LANCL2: variants seen among roughly 807,000 people sequenced by gnomAD.
The protein encoded by LANCL2 is lanC-like protein 2.
In LANCL2, 33 loss-of-function variants were observed where a neutral mutation model predicts 56.9. The observed-to-expected ratio is 0.58, with a 90% CI of 0.44 to 0.78. The LOEUF (loss-of-function observed/expected upper bound fraction) is 0.78, where lower values mean the gene tolerates loss of function less well. LANCL2 is among the 30% of genes least tolerant of loss of function. LANCL2 has a pLI of 0.00. For missense variants in LANCL2, 562 were observed against 580.2 expected (o/e 0.97, Z 0.32); for synonymous variants, 233 against 228.2 (o/e 1.02, Z -0.19).
At chr7:55,383,314 G>A (rs1790089074) in intron 1 of LANCL2, among the ~76,000 whole-genome samples, 1 of 152,202 alleles carries the variant, frequency 6.6e-6, no homozygotes, top group South Asian at 2.1e-4. Flanking sequence ...AACCCCATGT[G>A]TGGTGGATGA....
At chr7:55,393,676 A>G (rs906546003) in intron 2 of LANCL2, among the ~76,000 whole-genome samples, 28 of 152,202 alleles carry the variant, frequency 1.8e-4, no homozygotes, top group African/African-American at 6.5e-4. Context: ...TGAATATTGT[A>G]TTTATATTTA....
intron 1 of LANCL2, among the ~76,000 whole-genome samples, chr7:55,375,612 A>G (rs953904666): frequency 2.6e-5 from 4 of 152,180 alleles, no homozygotes; most frequent in South Asian, 2.1e-4. Context: ...AATACCACCA[A>G]TTTTGCAGTT....
chr7:55,379,650 A>C (rs1425287626), intron 1 of LANCL2: 1 of 152,698 alleles, frequency 6.5e-6, no homozygotes, highest in Non-Finnish European at 1.5e-5. Context: ...ATTACAGTAG[A>C]AACCAAAGGT....
intron 5 of LANCL2, among the ~76,000 whole-genome samples, chr7:55,403,158 T>G (rs1437837071): frequency 1.3e-5 from 2 of 152,232 alleles, no homozygotes; most frequent in Non-Finnish European, 2.9e-5. Flanking sequence ...CATTGAACAC[T>G]GAGTGAGTGA....
chr7:55,392,572 T>G (rs1218118429), intron 2 of LANCL2, among the ~76,000 whole-genome samples: 1 of 144,238 alleles, frequency 6.9e-6, no homozygotes, highest in Non-Finnish European at 1.6e-5. Flanking sequence ...TGGTCTCAAA[T>G]TCCTGGGCTC....
rs373351047 is a variant in LANCL2 at position 55,417,826 on chromosome 7, C to A, written c.1008+5737C>A. 5.9e-4 allele frequency among the ~76,000 whole-genome samples: 90 copies of A among 152,014 alleles called. 1 individual carries two copies. The South Asian group carries it at 0.019, about 31-fold the overall frequency. ...CCTGAGTAGCTGGGATTACAGGTGC[C>A]CACCACCATACCCGGCTAGTTTTTG... On this transcript the variant is annotated intron_variant, in intron 6 of 8. Transcript: ENST00000254770.
At chr7:55,414,766 G>A (rs1301044641) in intron 6 of LANCL2, among the ~76,000 whole-genome samples, 1 of 151,950 alleles carries the variant, frequency 6.6e-6, no homozygotes. Context: ...GGTTGCTTGA[G>A]CCCAGGAGTT....
chr7:55,406,646 T>C (rs1790410829), intron 5 of LANCL2, among the ~76,000 whole-genome samples: 1 of 152,206 alleles, frequency 6.6e-6, no homozygotes, highest in Non-Finnish European at 1.5e-5. Context: ...AGTTTAGTCA[T>C]GTAAAAGTGG....
At chr7:55,418,679 T>C (rs1026089766) in intron 6 of LANCL2, among the ~76,000 whole-genome samples, 7 of 152,170 alleles carry the variant, frequency 4.6e-5, no homozygotes, top group Admixed American at 4.6e-4. Context: ...TAATATTGAA[T>C]AGAAGTGGTC....
intron 6 of LANCL2, among the ~76,000 whole-genome samples, chr7:55,422,063 A>T (rs1280296598): frequency 6.6e-6 from 1 of 152,098 alleles, no homozygotes; most frequent in Admixed American, 6.5e-5. Context: ...AGACCTGCAT[A>T]TTTTATTTGA....
intron 2 of LANCL2, among the ~76,000 whole-genome samples, chr7:55,397,800 G>C (rs34507133): frequency 2.0e-5 from 3 of 151,556 alleles, no homozygotes; most frequent in African/African-American, 7.3e-5. Context: ...TCTTTATCTA[G>C]AATGGAAAGG....
In LANCL2 at chr7:55,433,563, A is replaced by G. The variant is rs567009374; in HGVS notation, c.*2243A>G. On this transcript the variant is annotated 3_prime_UTR_variant, in exon 9 of 9. Transcript: ENST00000254770. ...TTTGAATCAGATTTCAGTACATCTC[A>G]TTCATTTCTTAGATTTGTATTCACA... 1 of 152,250 alleles carries G rather than the reference A, an allele frequency of 6.6e-6. No homozygotes were observed. Among genetic ancestry groups the G allele is most frequent in the East Asian group, 1.9e-4 (1 of 5,204 alleles). 9.4% of individuals were successfully genotyped at this position (152,250 alleles called of 1,614,324 possible).
intron 6 of LANCL2, among the ~76,000 whole-genome samples, chr7:55,417,125 G>A (rs1238978314): frequency 8.6e-5 from 13 of 151,694 alleles, no homozygotes; most frequent in Admixed American, 5.9e-4. Flanking sequence ...GACTACAGGC[G>A]CCCGTCACCA....
chr7:55,387,409 G>A (rs1370717514), intron 1 of LANCL2, among the ~76,000 whole-genome samples: 2 of 152,208 alleles, frequency 1.3e-5, no homozygotes, highest in Non-Finnish European at 2.9e-5. Flanking sequence ...TACAGGAACT[G>A]ACAAAGACTG....
chr7:55,401,411 G>A, intron 5 of LANCL2, 91 bp downstream of exon 5: 2 of 1,079,142 alleles, frequency 1.9e-6, no homozygotes, highest in Non-Finnish European at 2.7e-6. Flanking sequence ...AGTCTGGATT[G>A]AAATACCCTA....
chr7:55,381,914 G>A (rs970842931), intron 1 of LANCL2, among the ~76,000 whole-genome samples: 2 of 152,238 alleles, frequency 1.3e-5, no homozygotes, highest in Admixed American at 6.5e-5. Context: ...GGTTTGTGAT[G>A]TAGATTTCTC....
chr7:55,427,073 C>T (rs530176355), intron 7 of LANCL2, among the ~76,000 whole-genome samples: 7 of 152,142 alleles, frequency 4.6e-5, no homozygotes, highest in Non-Finnish European at 8.8e-5. Context: ...TTCCTGACTC[C>T]GTAAGCACTT....
intron 3 of LANCL2, 60 bp from the exon 4 acceptor site, chr7:55,399,897 T>G: frequency 7.1e-7 from 1 of 1,401,036 alleles, no homozygotes; most frequent in Non-Finnish European, 9.9e-7. Flanking sequence ...AGGGTTAGTG[T>G]TTCAGGAAGA....
intron 5 of LANCL2, among the ~76,000 whole-genome samples, chr7:55,403,227 G>T (rs1412822635): frequency 6.6e-6 from 1 of 152,272 alleles, no homozygotes; most frequent in African/African-American, 2.4e-5. Flanking sequence ...GATCACTCGC[G>T]GTTAGGAGCT....
Sources: allele counts gnomAD v4.1 joint callset (sites outside exome capture counted in the v4.1 genomes callset), GRCh38; gene constraint gnomAD v4.1.1; transcripts MANE v1.5; gene names NCBI Gene and HGNC (gene_info 2026-07-23, HGNC 2026-07-21).